Variants in LOXHD1 observed in about 807,000 individuals in gnomAD.
LOXHD1 encodes lipoxygenase homology domain-containing protein 1.
A neutral mutation model predicts 248.2 loss-of-function variants in LOXHD1; 205 were observed. The ratio of observed to expected loss-of-function variants is 0.83; its 90% CI spans 0.74 to 0.93. The LOEUF is 0.93. Among genes scored for constraint, LOXHD1 ranks in the 40% least tolerant of loss-of-function variants. The pLI, the probability that LOXHD1 is intolerant of heterozygous loss-of-function variation, is 0.00. For synonymous variants in LOXHD1, 1,113 were observed against 1,162.8 expected, an observed-to-expected ratio of 0.96 and a Z score of 0.87; for missense variants, 2,930 against 2,971.6, an observed-to-expected ratio of 0.99 and a Z score of 0.33.
intron 22 of LOXHD1, among the ~76,000 whole-genome samples, chr18:46,545,623 A>ATTTTTTTTTTTTTTTTT (rs1555676193): frequency 1.2e-5 from 1 of 86,050 alleles, no homozygotes; most frequent in African/African-American, 4.6e-5. Context: ...CCTCTTGGCC[A>ATTTTTTTTTTTTTTTTT]TTTCTTTTTT....
rs532252043 is a variant in LOXHD1, at chr18:46,487,590, A to G, written c.6049+1382T>C. Among the ~76,000 whole-genome samples the G allele has an allele frequency of 2.0e-5, 3 of 152,342 alleles. No homozygotes were observed. The South Asian group carries it at 6.2e-4, about 32-fold the overall frequency. On this transcript the variant is annotated intron_variant, in intron 38 of 40. Coordinates refer to ENST00000642948, the MANE Select transcript of LOXHD1 (RefSeq NM_001384474.1). ...GAGCTGAGAGTCCTGGGCCTGCCCAATCAGAATCCTCCCCAGAATCCTCCT... is the reference window on the plus strand; with the variant it reads ...GAGCTGAGAGTCCTGGGCCTGCCCAGTCAGAATCCTCCCCAGAATCCTCCT...
intron 35 of LOXHD1, 126 bp downstream of exon 35, chr18:46,509,572 C>T (rs1392550491): frequency 1.3e-6 from 1 of 751,514 alleles, no homozygotes; most frequent in Non-Finnish European, 2.4e-6. Context: ...ATCATATGGG[C>T]TGGGTTCATG....
chr18:46,526,493 A>G (rs185859209), intron 29 of LOXHD1, among the ~76,000 whole-genome samples: 2 of 152,248 alleles, frequency 1.3e-5, no homozygotes, highest in Admixed American at 1.3e-4. Context: ...CTATGGGTGC[A>G]TGTACATGTA....
chr18:46,481,161 C>T (rs529132129), intron 40 of LOXHD1, among the ~76,000 whole-genome samples: 3 of 152,196 alleles, frequency 2.0e-5, no homozygotes, highest in South Asian at 4.1e-4. Flanking sequence ...GTGGATGTTA[C>T]ACACAGTGTT....
At chr18:46,646,330 G>T (rs376860054) in intron 2 of LOXHD1, among the ~76,000 whole-genome samples, 3 of 152,320 alleles carry the variant, frequency 2.0e-5, no homozygotes, top group African/African-American at 7.2e-5. Context: ...GTTCTGGGTT[G>T]CATGGGCAGC....
intron 6 of LOXHD1, among the ~76,000 whole-genome samples, chr18:46,605,463 G>A (rs916714509): frequency 6.6e-6 from 1 of 152,102 alleles, no homozygotes; most frequent in Non-Finnish European, 1.5e-5. Flanking sequence ...GCAGTGAGCC[G>A]GGATCGTGCC....
At position 46,518,117 on chromosome 18, in the gene LOXHD1, G is replaced by A. The variant is rs984270149; in HGVS notation, c.5399+12C>T. 7.1e-6 allele frequency: 11 copies of A among 1,551,016 alleles called. No individual in the cohort carries two copies. The highest frequency in any genetic ancestry group is 2.7e-5 in the African/African-American group (2 of 73,008). On this transcript the variant is annotated intron_variant, in intron 34 of 40. Transcript: ENST00000642948. Reference sequence around the variant, plus strand: ...GTGGGAGGGGTGAGGGGCAGGGGCCGCCTCCAGGTACCTGGCTTTCTTTTT... The same window carrying A: ...GTGGGAGGGGTGAGGGGCAGGGGCCACCTCCAGGTACCTGGCTTTCTTTTT...
chr18:46,583,796 A>C (rs953961795), intron 12 of LOXHD1, among the ~76,000 whole-genome samples: 10 of 152,108 alleles, frequency 6.6e-5, no homozygotes, highest in Non-Finnish European at 1.5e-4. Flanking sequence ...CAAAAAAGTT[A>C]AAAATAGAAG....
intron 12 of LOXHD1, among the ~76,000 whole-genome samples, chr18:46,581,981 C>G (rs1394353331): frequency 2.0e-5 from 3 of 152,052 alleles, no homozygotes; most frequent in Non-Finnish European, 2.9e-5. Context: ...TTAGGGTATT[C>G]CCAGAATATA....
At position 46,569,651 on chromosome 18, in the gene LOXHD1, AG is replaced by A. The variant is rs1347369418; in HGVS notation, c.2048-14del. The A allele has an allele frequency of 1.9e-5, 29 of 1,543,084 alleles. No homozygotes were observed. Among genetic ancestry groups the A allele is most frequent in the Non-Finnish European group, 2.5e-5 (28 of 1,139,934 alleles). ...TGATAGCGAAAGTCTGAACAGCCCAAGGCAGAGGGAGGAAGGGAAGGGGTTA... is the reference window on the plus strand; with the variant it reads ...TGATAGCGAAAGTCTGAACAGCCCAAGCAGAGGGAGGAAGGGAAGGGGTTA... On this transcript the variant is annotated splice_polypyrimidine_tract_variant and intron_variant, in intron 15 of 40. Coordinates refer to ENST00000642948, the MANE Select transcript of LOXHD1 (RefSeq NM_001384474.1).
chr18:46,533,002 T>C (rs1377655957), intron 28 of LOXHD1, among the ~76,000 whole-genome samples, 160 bp downstream of exon 28: 1 of 152,242 alleles, frequency 6.6e-6, no homozygotes, highest in Non-Finnish European at 1.5e-5. Context: ...AGGCAGATTA[T>C]GCAACCTCTG....
chr18:46,564,093 A>AGAGTGTGT (rs113795459), intron 17 of LOXHD1, among the ~76,000 whole-genome samples: 4 of 149,030 alleles, frequency 2.7e-5, no homozygotes, highest in African/African-American at 9.8e-5. Flanking sequence ...GGAGAGAGAG[A>AGAGTGTGT]GTGTGTGTGT....
intron 22 of LOXHD1, among the ~76,000 whole-genome samples, chr18:46,546,224 T>C (rs1270081541): frequency 1.3e-5 from 2 of 151,910 alleles, no homozygotes; most frequent in Non-Finnish European, 2.9e-5. Flanking sequence ...AAAAATGCAT[T>C]GAGTGCCTAT....
chr18:46,495,545 C>T (rs1304445114), intron 37 of LOXHD1, among the ~76,000 whole-genome samples: 1 of 152,208 alleles, frequency 6.6e-6, no homozygotes, highest in Non-Finnish European at 1.5e-5. Context: ...CCTGTATCCA[C>T]TATTCAATGT....
Position 46,593,692 on chromosome 18 carries a change from T to A in LOXHD1, c.1339A>T (p.Ile447Phe). The change falls in exon 10 of 41, where the codon ATC (isoleucine) becomes TTC (phenylalanine). Residue 447 changes from isoleucine (I) to phenylalanine (F), a missense_variant. By Grantham distance (21) the Ile-to-Phe change is conservative (BLOSUM62 0). Transcript: ENST00000642948. ...CGCCCCTTCTGCCCATAAATCTGGA[T>A]GAAGATGGGAGAGTTGGTACCAGCT... ...KKAGTNSPIF[I>F]QIYGQKGRTD... 2 of 1,552,282 alleles carry A rather than the reference T, an allele frequency of 1.3e-6. No individual in the cohort carries two copies. Among genetic ancestry groups the A allele is most frequent in the Non-Finnish European group, 1.7e-6 (2 of 1,147,114 alleles).
intron 21 of LOXHD1, among the ~76,000 whole-genome samples, chr18:46,550,579 C>CAAAAAAAAAAAAAAAA (rs754046200): frequency 1.1e-4 from 5 of 45,466 alleles, no homozygotes; most frequent in East Asian, 7.0e-4. Flanking sequence ...GACTCCGTCT[C>CAAAAAAAAAAAAAAAA]AAAAAAAAAA....
chr18:46,618,348 G>C, intron 4 of LOXHD1, 58 bp from the exon 5 acceptor site: 1 of 1,189,432 alleles, frequency 8.4e-7, no homozygotes, highest in Non-Finnish European at 1.2e-6. Flanking sequence ...AGAGAATAGA[G>C]GCCCCAAAGT....
At chr18:46,632,416 C>G (rs1254701819) in intron 4 of LOXHD1, among the ~76,000 whole-genome samples, 2 of 152,108 alleles carry the variant, frequency 1.3e-5, no homozygotes, top group African/African-American at 2.4e-5. Flanking sequence ...TAGGGCAGCT[C>G]AAGAGGGCAT....
At chr18:46,477,137 G>A, downstream of LOXHD1, 1 of 718,100 alleles carries the variant, frequency 1.4e-6, no homozygotes, top group Non-Finnish European at 2.6e-6. Flanking sequence ...CCATCTTGAT[G>A]GCCTCTGCTT....
Sources: gnomAD v4.1 joint callset for allele counts (sites outside exome capture counted in the v4.1 genomes callset) on GRCh38, gnomAD v4.1.1 for gene constraint, MANE v1.5 for transcripts, NCBI Gene and HGNC (gene_info 2026-07-23, HGNC 2026-07-21) for gene names.